CBR4: variants seen among roughly 807,000 people sequenced by gnomAD.
CBR4 encodes 3-oxoacyl-[acyl-carrier-protein] reductase.
In CBR4, 22 loss-of-function variants were observed where a neutral mutation model predicts 21.0. The ratio of observed to expected loss-of-function variants is 1.05; its 90% CI spans 0.75 to 1.50. The LOEUF is 1.50. CBR4 is among the 40% of genes most tolerant of loss of function. The pLI is 0.00. For synonymous variants in CBR4, 100 were observed against 104.4 expected (o/e 0.96, Z 0.26); for missense variants, 302 against 286.3 (o/e 1.05, Z -0.40).
At chr4:168,982,722 T>C (rs1764579275), downstream of CBR4, among the ~76,000 whole-genome samples, 1 of 152,142 alleles carries the variant, frequency 6.6e-6, no homozygotes, top group African/African-American at 2.4e-5. Flanking sequence ...AACCTCACTC[T>C]CATACCACAG....
chr4:168,906,369 A>G (rs970009712), intron 2 of CBR4, among the ~76,000 whole-genome samples: 3 of 152,222 alleles, frequency 2.0e-5, no homozygotes, highest in African/African-American at 7.2e-5. Flanking sequence ...TACATGTGGA[A>G]AAGTTCTCAG....
chr4:169,004,822 TG>T (rs1730768165), intron 3 of CBR4, among the ~76,000 whole-genome samples: 1 of 152,222 alleles, frequency 6.6e-6, no homozygotes, highest in Admixed American at 6.5e-5. Flanking sequence ...TAAACTGTAC[TG>T]CCTACTGAAG....
intron 2 of CBR4, among the ~76,000 whole-genome samples, chr4:168,914,379 G>A (rs888858285): frequency 3.3e-5 from 5 of 152,228 alleles, no homozygotes; most frequent in Non-Finnish European, 5.9e-5. Context: ...ACAGCTGTGT[G>A]AGTGGACGCA....
intron 2 of CBR4, among the ~76,000 whole-genome samples, chr4:168,947,017 G>T (rs1393625427): frequency 1.3e-5 from 2 of 151,992 alleles, no homozygotes; most frequent in Admixed American, 1.3e-4. Context: ...TTATTATAAG[G>T]CTAACAATCT....
chr4:168,946,195 T>C (rs1415110388), intron 2 of CBR4, among the ~76,000 whole-genome samples: 1 of 152,214 alleles, frequency 6.6e-6, no homozygotes, highest in Admixed American at 6.5e-5. Flanking sequence ...TTTACAGCTT[T>C]CTTCCCTCTT....
intron 4 of CBR4, among the ~76,000 whole-genome samples, chr4:168,999,958 GAGCT>G (rs1362724029): frequency 6.6e-6 from 1 of 152,032 alleles, no homozygotes; most frequent in Non-Finnish European, 1.5e-5. Flanking sequence ...GTAATTTGGG[GAGCT>G]AGCTCAGTCC....
intron 2 of CBR4, among the ~76,000 whole-genome samples, chr4:168,939,197 C>T (rs1582294541): frequency 6.6e-6 from 1 of 152,106 alleles, no homozygotes; most frequent in South Asian, 2.1e-4. Flanking sequence ...TGACAAAAAC[C>T]ACATGATTAT....
At chr4:169,004,842 G>A in intron 3 of CBR4, among the ~76,000 whole-genome samples, 1 of 152,102 alleles carries the variant, frequency 6.6e-6, no homozygotes, top group East Asian at 1.9e-4. Flanking sequence ...AGATTCTTGA[G>A]TGACCACATC....
intron 2 of CBR4, among the ~76,000 whole-genome samples, chr4:168,966,658 G>T (rs185067141): frequency 6.6e-6 from 1 of 152,180 alleles, no homozygotes; most frequent in Admixed American, 6.5e-5. Context: ...GCGACTCAAG[G>T]ATCTAGAACC....
At chr4:168,970,507 T>G (rs4692555) in intron 2 of CBR4, among the ~76,000 whole-genome samples, 105,764 of 151,890 alleles carry the variant, frequency 0.7, 38,242 homozygotes, top group East Asian at 0.96. Flanking sequence ...ATTATTTCAA[T>G]TTTTTAAGGA....
chr4:168,919,106 C>G (rs1358681795), intron 2 of CBR4, among the ~76,000 whole-genome samples: 2 of 152,078 alleles, frequency 1.3e-5, no homozygotes, highest in African/African-American at 4.8e-5. Context: ...AAAGAAATAA[C>G]AGTACTGTCT....
chr4:168,908,078 A>C lies in CBR4; in HGVS notation n.170-13313T>G, dbSNP rs148173422. On this transcript the variant is annotated intron_variant and non_coding_transcript_variant, in intron 2 of 3. Transcript: ENST00000509108. ...ATCCCACTGAAATTGCTGTGAGAGA[A>C]TTTTGATATTTATGCCACTTAGCAG... is the stretch of plus-strand genomic sequence containing the variant. Among the ~76,000 whole-genome samples the C allele has an allele frequency of 4.9e-3, 746 of 152,320 alleles. 8 individuals are homozygous for C. Among genetic ancestry groups the C allele is most frequent in the Admixed American group, 5.6e-3 (85 of 15,306 alleles).
At chr4:168,926,337 A>C (rs1268560606) in intron 2 of CBR4, 2 of 1,537,400 alleles carry the variant, frequency 1.3e-6, no homozygotes, top group Non-Finnish European at 8.7e-7. Flanking sequence ...AGGCCAACCC[A>C]TCTCACCTGA....
chr4:168,988,617 A>AT lies in CBR4; in HGVS notation c.*1532dup, dbSNP rs1309012616. 1.2e-5 allele frequency: 12 copies of AT among 985,298 alleles called. No homozygotes were observed. Among genetic ancestry groups the AT allele is most frequent in the African/African-American group, 1.7e-5 (1 of 57,246 alleles). 61.0% of individuals were successfully genotyped at this position (985,298 alleles called of 1,614,324 possible). A position where few individuals can be genotyped will look rare whatever the true frequency, so the allele number is the denominator to read the frequency against. ...AACCATTCTGAGTGCTGCATTTCCT[A>AT]TATGTGCCTAGACTTGGTAATGCCT... is the stretch of plus-strand genomic sequence containing the variant. On this transcript the variant is annotated 3_prime_UTR_variant, in exon 5 of 5. Coordinates refer to ENST00000306193, the MANE Select transcript of CBR4 (RefSeq NM_032783.5).
intron 2 of CBR4, among the ~76,000 whole-genome samples, chr4:168,948,635 CTT>C (rs1763459015): frequency 6.6e-6 from 1 of 151,940 alleles, no homozygotes; most frequent in Non-Finnish European, 1.5e-5. Flanking sequence ...CCCTTCCCCA[CTT>C]TGTTTTTGTG....
At chr4:168,933,163 C>T (rs1009148216) in intron 2 of CBR4, among the ~76,000 whole-genome samples, 32 of 152,152 alleles carry the variant, frequency 2.1e-4, no homozygotes, top group African/African-American at 7.0e-4. Context: ...TCCTCACCTA[C>T]CAATAAATAA....
chr4:168,949,840 A>G (rs1416880102), intron 2 of CBR4, among the ~76,000 whole-genome samples: 1 of 152,100 alleles, frequency 6.6e-6, no homozygotes, highest in South Asian at 2.1e-4. Flanking sequence ...GATTTAAGCT[A>G]GGAGGGTTGT....
chr4:168,960,456 A>AG (rs1194416087), intron 2 of CBR4, among the ~76,000 whole-genome samples: 1 of 152,230 alleles, frequency 6.6e-6, no homozygotes, highest in African/African-American at 2.4e-5. Context: ...TAAAATATTC[A>AG]GGAAGTCTTA....
intron 4 of CBR4, 181 bp downstream of exon 4, chr4:169,001,890 G>T: frequency 2.2e-6 from 1 of 451,324 alleles, no homozygotes; most frequent in Non-Finnish European, 3.9e-6. Context: ...CTAACACATA[G>T]ACTTTATATA....
Sources: allele counts gnomAD v4.1 joint callset (sites outside exome capture counted in the v4.1 genomes callset), GRCh38; gene constraint gnomAD v4.1.1; transcripts MANE v1.5; gene names NCBI Gene and HGNC (gene_info 2026-07-23, HGNC 2026-07-21).